CCDC63: variants seen among roughly 807,000 people sequenced by gnomAD.
CCDC63 encodes the protein coiled-coil domain containing 63.
In CCDC63, 54 loss-of-function variants were observed where a neutral mutation model predicts 63.6. The observed-to-expected ratio is 0.85, with a 90% CI of 0.68 to 1.07. The LOEUF (loss-of-function observed/expected upper bound fraction) is 1.07, where lower values mean the gene tolerates loss of function less well. Ranked by LOEUF, CCDC63 falls within the 50% of genes least tolerant of loss-of-function variation. The probability of loss-of-function intolerance (pLI) is 0.00; values close to 1 mark genes in which losing one functional copy is unlikely to be tolerated. For missense variants in CCDC63, 637 were observed against 689.6 expected (o/e 0.92, Z 0.86); for synonymous variants, 253 against 266.1 (o/e 0.95, Z 0.48).
Position 110,892,994 on chromosome 12 carries a change from CTT to C in CCDC63, c.1075-80_1075-79del, listed in dbSNP as rs921858849. ...CGGATCATTGAAATCCTCATCGACT[CTT>C]TGAGGCGCACACTTATTTTTGGGAG... On this transcript the variant is annotated intron_variant, in intron 8 of 11. Transcript: ENST00000308208. 178 of 1,108,538 alleles carry C rather than the reference CTT, an allele frequency of 1.6e-4. 1 individual carries two copies. The African/African-American group carries it at 2.5e-3, about 16-fold the overall frequency. The allele number at this position is 1,108,538 out of a possible 1,614,324, so 68.7% of individuals were successfully genotyped here.
At chr12:110,874,094 C>A in intron 5 of CCDC63, 133 bp downstream of exon 5, 3 of 1,183,566 alleles carry the variant, frequency 2.5e-6, no homozygotes, top group South Asian at 1.7e-5. Flanking sequence ...GAACTAATGG[C>A]CACACAGGCC....
At chr12:110,895,630 C>T (rs964861170) in intron 9 of CCDC63, among the ~76,000 whole-genome samples, 11 of 152,206 alleles carry the variant, frequency 7.2e-5, no homozygotes, top group Admixed American at 4.6e-4. Flanking sequence ...CACTTCCTAG[C>T]TCTGTGACGT....
At chr12:110,860,674 C>G (rs1395662172) in intron 4 of CCDC63, among the ~76,000 whole-genome samples, 1 of 152,178 alleles carries the variant, frequency 6.6e-6, no homozygotes, top group Non-Finnish European at 1.5e-5. Context: ...ACTGCAGCCT[C>G]TGCCTCCCAG....
At chr12:110,868,443 T>C (rs1483320422) in intron 4 of CCDC63, among the ~76,000 whole-genome samples, 3 of 150,250 alleles carry the variant, frequency 2.0e-5, no homozygotes, top group African/African-American at 7.4e-5. Context: ...CTGGGCACCA[T>C]TGAGCACTGA....
chr12:110,853,050 C>G lies in CCDC63; in HGVS notation c.9+87C>G, dbSNP rs552529147. ...ACTTTACACGTTAGCTCGTCTCATC[C>G]TGACAAACAGATCTGTGCTCACCCA... On this transcript the variant is annotated intron_variant, in intron 2 of 11. Transcript: ENST00000308208. 3 of 1,426,412 alleles carry G rather than the reference C, an allele frequency of 2.1e-6. No homozygotes were observed. In the Admixed American group the frequency reaches 5.3e-5, roughly 25 times the overall value. The allele number at this position is 1,426,412 out of a possible 1,614,324, so 88.4% of individuals were successfully genotyped here. A position where few individuals can be genotyped will look rare whatever the true frequency, so the allele number is the denominator to read the frequency against.
chr12:110,851,039 T>C (rs10219717), intron 1 of CCDC63, among the ~76,000 whole-genome samples: 85,681 of 152,050 alleles, frequency 0.56, 25,205 homozygotes, highest in Admixed American at 0.65. Flanking sequence ...GCAGGATTTA[T>C]GGCACTTTGC....
intron 4 of CCDC63, among the ~76,000 whole-genome samples, chr12:110,867,601 C>G (rs1426660536): frequency 7.4e-6 from 1 of 134,262 alleles, no homozygotes; most frequent in African/African-American, 2.9e-5. Flanking sequence ...CCCTCCCAGA[C>G]GGGGCGGCTG....
At chr12:110,881,712 A>C (rs1334114610) in intron 7 of CCDC63, among the ~76,000 whole-genome samples, 4 of 139,300 alleles carry the variant, frequency 2.9e-5, no homozygotes, top group African/African-American at 1.1e-4. Flanking sequence ...ACAGAATAAG[A>C]CTCTCAAAAA....
At chr12:110,885,191 AGAG>A (rs1337142944) in intron 8 of CCDC63, among the ~76,000 whole-genome samples, 15 of 122,900 alleles carry the variant, frequency 1.2e-4, no homozygotes, top group East Asian at 2.8e-4. Context: ...AAAAAAAAAA[AGAG>A]AGAGAGAGAA....
intron 8 of CCDC63, among the ~76,000 whole-genome samples, chr12:110,884,824 C>A (rs2071257071): frequency 6.6e-6 from 1 of 150,550 alleles, no homozygotes; most frequent in Non-Finnish European, 1.5e-5. Context: ...GTAGCTGGGA[C>A]TACAGGTGCC....
intron 9 of CCDC63, among the ~76,000 whole-genome samples, chr12:110,895,020 T>G (rs758372353): frequency 1.2e-4 from 18 of 152,184 alleles, no homozygotes; most frequent in African/African-American, 4.3e-4. Flanking sequence ...GTTCAAGCGA[T>G]TCTCCTGCCT....
intron 11 of CCDC63, among the ~76,000 whole-genome samples, chr12:110,905,890 A>ATAATATATATTATATTATATATAATAT (rs1200571039): frequency 8.7e-5 from 1 of 11,434 alleles, no homozygotes; most frequent in Non-Finnish European, 1.8e-4. Flanking sequence ...GTATATATAT[A>ATAATATATATTATATTATATATAATAT]ATATTATATA....
chr12:110,860,500 T>A (rs2070839573), intron 4 of CCDC63, among the ~76,000 whole-genome samples: 1 of 152,224 alleles, frequency 6.6e-6, no homozygotes, highest in Non-Finnish European at 1.5e-5. Flanking sequence ...ACACAGTAGA[T>A]CCTCAGTAAA....
Position 110,873,912 on chromosome 12 carries a change from C to G in CCDC63, c.440C>G (p.Pro147Arg), listed in dbSNP as rs764130437. ...IFAKMQEANNPRKLQKQIHIL... is the reference protein window; with the variant it reads ...IFAKMQEANNRRKLQKQIHIL... Reference sequence around the variant, plus strand: ...GCAAAAATGCAGGAGGCCAATAACCCCCGGAAACTGCAGAAACAGATTCAC... The same window carrying G: ...GCAAAAATGCAGGAGGCCAATAACCGCCGGAAACTGCAGAAACAGATTCAC... The change falls in exon 5 of 12, where the codon CCC becomes CGC. Residue 147 changes from proline to arginine, a missense_variant. Transcript: ENST00000308208. The G allele has an allele frequency of 6.2e-7, 1 of 1,612,392 alleles. No individual in the cohort carries two copies. The highest frequency in any genetic ancestry group is 2.2e-5 in the East Asian group (1 of 44,838).
intron 11 of CCDC63, among the ~76,000 whole-genome samples, chr12:110,905,871 T>A (rs1276299511): frequency 9.8e-6 from 1 of 101,788 alleles, no homozygotes; most frequent in Non-Finnish European, 1.9e-5. Context: ...TGTGTATATA[T>A]GTGTGTGTGT....
In CCDC63 at chr12:110,904,723, C is replaced by T; in HGVS notation, c.1478C>T (p.Pro493Leu). The T allele has an allele frequency of 6.2e-7, 1 of 1,614,074 alleles. No individual in the cohort carries two copies. The highest frequency in any genetic ancestry group is 8.5e-7 in the Non-Finnish European group (1 of 1,179,990). ...TGGGGTGGCTCTGCCCTCCTCAAGC[C>T]CCCAGAACCCATCAAAGTCATCCCC... ...PFWGGSALLK[P>L]PEPIKVIPPV... Residue 493 changes from proline (P) to leucine (L), a missense_variant, in exon 11 of 12, where the codon CCC becomes CTC. Coordinates refer to ENST00000308208, the MANE Select transcript of CCDC63 (RefSeq NM_152591.3).
chr12:110,867,773 C>T (rs1358431457), intron 4 of CCDC63, among the ~76,000 whole-genome samples: 8 of 143,236 alleles, frequency 5.6e-5, no homozygotes, highest in South Asian at 2.2e-4. Context: ...ATCTCCCTCC[C>T]GGACGGGGTG....
intron 7 of CCDC63, among the ~76,000 whole-genome samples, chr12:110,882,794 A>C (rs1295075810): frequency 6.6e-6 from 1 of 152,108 alleles, no homozygotes; most frequent in African/African-American, 2.4e-5. Context: ...TCCCCAGAAC[A>C]GTGGGGAGCC....
rs1195522045 is a variant in CCDC63 at position 110,847,043 on chromosome 12, T to C, written c.-159T>C. ...CTCCCGGCACCGTCGGAAGCGCAGT[T>C]GCAGCAGCCGTCGGACAAGCGGCCG... On this transcript the variant is annotated 5_prime_UTR_variant, in exon 1 of 12. Transcript: ENST00000308208. The C allele has an allele frequency of 6.6e-6, 1 of 152,074 alleles. No homozygotes were observed. The highest frequency in any genetic ancestry group is 6.5e-5 in the Admixed American group (1 of 15,280). 9.4% of individuals were successfully genotyped at this position (152,074 alleles called of 1,614,324 possible).
Sources: gnomAD v4.1 joint callset for allele counts (sites outside exome capture counted in the v4.1 genomes callset) on GRCh38, gnomAD v4.1.1 for gene constraint, MANE v1.5 for transcripts, NCBI Gene and HGNC (gene_info 2026-07-23, HGNC 2026-07-21) for gene names.